Variants in GNA14 observed in about 807,000 individuals in gnomAD.
GNA14 encodes G protein subunit alpha 14, also known as guanine nucleotide-binding protein subunit alpha-14.
In GNA14, 50 loss-of-function variants were observed where a neutral mutation model predicts 42.0. The observed-to-expected ratio is 1.19, with a 90% confidence interval of 0.95 to 1.51. The LOEUF (loss-of-function observed/expected upper bound fraction) is 1.51, where lower values mean the gene tolerates loss of function less well. Among genes scored for constraint, GNA14 ranks in the 40% most tolerant of loss-of-function variants. The pLI is 0.00. For synonymous variants in GNA14, 173 were observed against 163.1 expected, an observed-to-expected ratio of 1.06 and a Z score of -0.46; for missense variants, 473 against 446.2, an observed-to-expected ratio of 1.06 and a Z score of -0.54.
intron 2 of GNA14, among the ~76,000 whole-genome samples, chr9:77,494,241 A>G (rs1325278354): frequency 6.6e-6 from 1 of 152,170 alleles, no homozygotes; most frequent in Non-Finnish European, 1.5e-5. Flanking sequence ...TCAAATGTCC[A>G]TATTCTGTTC....
intron 1 of GNA14, among the ~76,000 whole-genome samples, chr9:77,537,309 C>T (rs1292729477): frequency 6.6e-6 from 1 of 152,170 alleles, no homozygotes; most frequent in Non-Finnish European, 1.5e-5. Context: ...TTATCTCCCA[C>T]CTATGAGTGA....
chr9:77,559,544 A>C (rs2131787583), intron 1 of GNA14, among the ~76,000 whole-genome samples: 1 of 152,324 alleles, frequency 6.6e-6, no homozygotes, highest in East Asian at 1.9e-4. Context: ...CATGCAGAAA[A>C]GAAAGTGCAT....
chr9:77,442,859 GA>G (rs1340987279), intron 2 of GNA14, among the ~76,000 whole-genome samples: 1 of 152,186 alleles, frequency 6.6e-6, no homozygotes, highest in Non-Finnish European at 1.5e-5. Flanking sequence ...CAAATAAAAA[GA>G]TGGCAAAAGA....
chr9:77,643,165 C>T (rs564104058), intron 1 of GNA14, among the ~76,000 whole-genome samples: 2 of 152,218 alleles, frequency 1.3e-5, no homozygotes, highest in African/African-American at 4.8e-5. Context: ...TTGCATTGAA[C>T]TAAGCTCAGA....
chr9:77,631,467 T>TAAAAAA (rs59294268), intron 1 of GNA14, among the ~76,000 whole-genome samples: 1 of 123,406 alleles, frequency 8.1e-6, no homozygotes, highest in Non-Finnish European at 1.7e-5. Flanking sequence ...ACTTTTTATG[T>TAAAAAA]AAAAAAAAAA....
intron 1 of GNA14, among the ~76,000 whole-genome samples, chr9:77,562,706 T>G (rs62573417): frequency 0.038 from 5,751 of 152,310 alleles, 227 homozygotes; most frequent in African/African-American, 0.1. Flanking sequence ...AGCCTGTATT[T>G]TCAACCTTCT....
At chr9:77,584,685 G>A (rs968506341) in intron 1 of GNA14, among the ~76,000 whole-genome samples, 6 of 152,216 alleles carry the variant, frequency 3.9e-5, no homozygotes, top group South Asian at 2.1e-4. Flanking sequence ...GGGTGAGTCC[G>A]TAGAGTAAAG....
intron 2 of GNA14, among the ~76,000 whole-genome samples, chr9:77,486,216 T>C (rs1836657679): frequency 6.6e-6 from 1 of 152,204 alleles, no homozygotes; most frequent in Non-Finnish European, 1.5e-5. Flanking sequence ...TGTTTCACCT[T>C]GCACTGTTAT....
intron 1 of GNA14, among the ~76,000 whole-genome samples, chr9:77,567,056 T>C (rs1045234659): frequency 6.6e-6 from 1 of 152,170 alleles, no homozygotes; most frequent in Admixed American, 6.6e-5. Context: ...CCAGTATCTG[T>C]TCTCAAACAT....
At chr9:77,508,216 G>A (rs542933251) in intron 2 of GNA14, among the ~76,000 whole-genome samples, 43 of 152,254 alleles carry the variant, frequency 2.8e-4, no homozygotes, top group African/African-American at 9.2e-4. Context: ...AATACATCTA[G>A]AAAATGCATT....
chr9:77,581,411 T>C (rs1024759801), intron 1 of GNA14, among the ~76,000 whole-genome samples: 4 of 152,196 alleles, frequency 2.6e-5, no homozygotes, highest in African/African-American at 7.2e-5. Flanking sequence ...TTTCCTCATA[T>C]GTAAAATGAA....
intron 2 of GNA14, among the ~76,000 whole-genome samples, chr9:77,434,840 C>T (rs1835617603): frequency 6.6e-6 from 1 of 152,174 alleles, no homozygotes; most frequent in Non-Finnish European, 1.5e-5. Context: ...GTCACTGGAG[C>T]TTTCATCCTA....
chr9:77,514,813 C>A (rs1234957541), intron 2 of GNA14, among the ~76,000 whole-genome samples: 2 of 152,140 alleles, frequency 1.3e-5, no homozygotes, highest in Non-Finnish European at 2.9e-5. Context: ...CGGGGTTTCA[C>A]CGTGTTAGCC....
intron 1 of GNA14, among the ~76,000 whole-genome samples, chr9:77,596,927 G>A (rs1235401608): frequency 1.3e-5 from 2 of 152,086 alleles, no homozygotes; most frequent in East Asian, 1.9e-4. Context: ...CTTTCCAGAC[G>A]GAACCAGTGT....
chr9:77,506,662 C>T (rs1022642017), intron 2 of GNA14, among the ~76,000 whole-genome samples: 2 of 151,700 alleles, frequency 1.3e-5, no homozygotes, highest in African/African-American at 4.8e-5. Context: ...GTCAACAGAG[C>T]GAGACTCCAT....
At position 77,456,279 on chromosome 9, in the gene GNA14, C is replaced by T. The variant is rs199851609; in HGVS notation, c.310-21757G>A. On this transcript the variant is annotated intron_variant, in intron 2 of 6. Transcript: ENST00000341700. ...CCATCACACCCTATTGATTTAAATA[C>T]ATTTACATTTTAAAGGAAGGAAAGA... 2.0e-5 allele frequency: 3 copies of T among 152,194 alleles called. No individual in the cohort carries two copies. In the East Asian group the frequency reaches 5.8e-4, roughly 29 times the overall value. The allele number at this position is 152,194 out of a possible 1,614,324, so 9.4% of individuals were successfully genotyped here.
rs545486408 is a variant in GNA14, at chr9:77,498,814, C to T, written c.309+30255G>A. 4.6e-5 allele frequency among the ~76,000 whole-genome samples: 7 copies of T among 152,262 alleles called. No individual in the cohort carries two copies. In the East Asian group the frequency reaches 7.7e-4, roughly 17 times the overall value. On this transcript the variant is annotated intron_variant, in intron 2 of 6. Coordinates refer to ENST00000341700, the MANE Select transcript of GNA14 (RefSeq NM_004297.4). Reference sequence around the variant, plus strand: ...GGCTTCTCCAGCCCTCCTGGCTTTGCGGGGTGTGGGTGTTTGGGTAATGTG... The same window carrying T: ...GGCTTCTCCAGCCCTCCTGGCTTTGTGGGGTGTGGGTGTTTGGGTAATGTG...
chr9:77,595,113 T>C (rs1256411600), intron 1 of GNA14, among the ~76,000 whole-genome samples: 4 of 152,224 alleles, frequency 2.6e-5, no homozygotes, highest in African/African-American at 9.6e-5. Flanking sequence ...CTGTTTGCCA[T>C]GTCTCAAGCT....
At chr9:77,445,593 A>G (rs1835803733) in intron 2 of GNA14, among the ~76,000 whole-genome samples, 1 of 151,232 alleles carries the variant, frequency 6.6e-6, no homozygotes, top group South Asian at 2.1e-4. Context: ...AGAAAAAAAT[A>G]TTTGCCAGGC....
Sources: allele counts gnomAD v4.1 joint callset (sites outside exome capture counted in the v4.1 genomes callset), GRCh38; gene constraint gnomAD v4.1.1; transcripts MANE v1.5; gene names NCBI Gene and HGNC (gene_info 2026-07-23, HGNC 2026-07-21).